The following KLF8 variants were observed in gnomAD, a reference collection of about 807,000 sequenced individuals.
KLF8 encodes KLF transcription factor 8, also known as Krueppel-like factor 8.
Under a neutral mutation model 18.2 loss-of-function variants are expected in KLF8, and 10 were observed. The observed-to-expected ratio is 0.55, with a 90% CI of 0.34 to 0.93. KLF8 has a LOEUF of 0.93. Among genes scored for constraint, KLF8 ranks in the 40% least tolerant of loss-of-function variants. KLF8 has a pLI of 0.02. For missense variants in KLF8, 264 were observed against 277.9 expected, an observed-to-expected ratio of 0.95 and a Z score of 0.36; for synonymous variants, 109 against 97.3, an observed-to-expected ratio of 1.12 and a Z score of -0.71.
At chrX:55,960,501 G>GT in the KLF8 span, among the ~76,000 whole-genome samples, 1 of 109,838 alleles carries the variant, frequency 9.1e-6, no homozygotes, top group Non-Finnish European at 1.9e-5. Context: ...GGCAACAAGA[G>GT]TGAAACTCTG....
the KLF8 span, among the ~76,000 whole-genome samples, chrX:55,995,689 G>C: frequency 8.9e-6 from 1 of 112,143 alleles, no homozygotes; most frequent in Non-Finnish European, 1.9e-5. Flanking sequence ...CTTTCATTAA[G>C]AATGTCTAAT....
chrX:56,233,674 C>T (rs990466813), intron 1 of KLF8, among the ~76,000 whole-genome samples: 10 of 111,728 alleles, frequency 9.0e-5, no homozygotes, highest in African/African-American at 3.3e-4. Context: ...TTTGACTTAA[C>T]CCCACACAGC....
At chrX:56,100,239 G>A in the KLF8 span, among the ~76,000 whole-genome samples, 9 of 110,950 alleles carry the variant, frequency 8.1e-5, no homozygotes, top group Admixed American at 8.7e-4. Flanking sequence ...CAACATATCT[G>A]TTTACAGCAT....
At chrX:56,162,629 TA>T in the KLF8 span, among the ~76,000 whole-genome samples, 1 of 111,790 alleles carries the variant, frequency 8.9e-6, no homozygotes, top group African/African-American at 3.3e-5. Flanking sequence ...AGTGCAGTAT[TA>T]GGGTGTGAGT....
the KLF8 span, among the ~76,000 whole-genome samples, chrX:55,965,933 G>A: frequency 5.4e-5 from 6 of 111,770 alleles, no homozygotes; most frequent in African/African-American, 2.0e-4. Context: ...CTCGGGCCTG[G>A]CAGCATTCAC....
intron 5 of KLF8, among the ~76,000 whole-genome samples, chrX:56,275,336 G>C (rs1327578528): frequency 9.0e-6 from 1 of 111,434 alleles, no homozygotes; most frequent in Non-Finnish European, 1.9e-5. Context: ...TTTGGATTTT[G>C]TATGTCAGTT....
the KLF8 span, among the ~76,000 whole-genome samples, chrX:56,163,696 G>A: frequency 1.8e-5 from 2 of 111,760 alleles, no homozygotes; most frequent in Non-Finnish European, 3.8e-5. Context: ...TCAGTGGTAT[G>A]GTCTAGGTTG....
chrX:56,123,287 G>GAAAGAA, the KLF8 span, among the ~76,000 whole-genome samples: 4 of 102,824 alleles, frequency 3.9e-5, no homozygotes, highest in South Asian at 1.6e-3. Context: ...AAGAAAGAAA[G>GAAAGAA]AAAGAAAGAA....
the KLF8 span, among the ~76,000 whole-genome samples, chrX:56,186,946 G>T: frequency 1.4e-3 from 156 of 111,206 alleles, 1 homozygote; most frequent in East Asian, 0.031. Context: ...ATTGACACCC[G>T]AACATCACAA....
the KLF8 span, among the ~76,000 whole-genome samples, chrX:56,168,895 A>G: frequency 8.9e-6 from 1 of 111,849 alleles, no homozygotes; most frequent in Non-Finnish European, 1.9e-5. Context: ...GTAGCACAAA[A>G]GACCCTGAAT....
At chrX:56,048,827 G>A in the KLF8 span, among the ~76,000 whole-genome samples, 3 of 111,469 alleles carry the variant, frequency 2.7e-5, no homozygotes, top group Non-Finnish European at 5.7e-5. Context: ...AGCTTGATGG[G>A]GTTGGCATTG....
the KLF8 span, among the ~76,000 whole-genome samples, chrX:56,084,162 C>G: frequency 9.0e-6 from 1 of 111,386 alleles, no homozygotes; most frequent in African/African-American, 3.3e-5. Context: ...AGGAGGATCA[C>G]TTGAGCCTAG....
chrX:56,058,700 G>A, the KLF8 span, among the ~76,000 whole-genome samples: 2 of 110,527 alleles, frequency 1.8e-5, no homozygotes, highest in African/African-American at 3.3e-5. Flanking sequence ...TTTTATGGCT[G>A]CATATACTCT....
the KLF8 span, among the ~76,000 whole-genome samples, chrX:55,995,057 A>G: frequency 3.6e-5 from 4 of 112,135 alleles, no homozygotes; most frequent in East Asian, 1.1e-3. Context: ...ATAGGTCTCC[A>G]AGAACTTGTT....
chrX:56,137,123 G>A, the KLF8 span, among the ~76,000 whole-genome samples: 2 of 110,082 alleles, frequency 1.8e-5, no homozygotes, highest in South Asian at 4.0e-4. Flanking sequence ...TGGAGAGGAT[G>A]TGGAGAAATA....
chrX:56,202,091 C>T, the KLF8 span, among the ~76,000 whole-genome samples: 2 of 111,084 alleles, frequency 1.8e-5, no homozygotes, highest in African/African-American at 6.6e-5. Flanking sequence ...GAAGAGTATC[C>T]ACTCCCAGAG....
the KLF8 span, among the ~76,000 whole-genome samples, chrX:56,158,800 G>T: frequency 8.9e-6 from 1 of 111,785 alleles, no homozygotes; most frequent in Non-Finnish European, 1.9e-5. Flanking sequence ...AGACAATGGG[G>T]TTTTCTAGAT....
the KLF8 span, among the ~76,000 whole-genome samples, chrX:55,948,705 A>G: frequency 7.2e-5 from 8 of 110,729 alleles, no homozygotes; most frequent in East Asian, 1.1e-3. Flanking sequence ...AGATCATACC[A>G]TCACCACTCT....
chrX:55,960,078 T>C, the KLF8 span, among the ~76,000 whole-genome samples: 1 of 111,719 alleles, frequency 9.0e-6, no homozygotes, highest in African/African-American at 3.3e-5. Context: ...CCAGAAGACA[T>C]TGGAGGCCTA....
Sources: gnomAD v4.1 joint callset for allele counts (sites outside exome capture counted in the v4.1 genomes callset) on GRCh38, gnomAD v4.1.1 for gene constraint, MANE v1.5 for transcripts, NCBI Gene and HGNC (gene_info 2026-07-23, HGNC 2026-07-21) for gene names.